The following RBFOX1 variants were observed in gnomAD, a reference collection of about 807,000 sequenced individuals.
The protein encoded by RBFOX1 is RNA binding fox-1 homolog 1, also known as RNA binding protein fox-1 homolog 1.
Under a neutral mutation model 57.7 loss-of-function variants are expected in RBFOX1, and 8 were observed. The ratio of observed to expected loss-of-function variants is 0.14; its 90% CI spans 0.08 to 0.25. RBFOX1 has a LOEUF of 0.25. RBFOX1 is among the 10% of genes least tolerant of loss of function. The pLI is 1.00. For synonymous variants in RBFOX1, 326 were observed against 222.4 expected, an observed-to-expected ratio of 1.47 and a Z score of -4.15; for missense variants, 611 against 548.5, an observed-to-expected ratio of 1.11 and a Z score of -1.14.
At chr16:6,601,671 G>A (rs1049602094) in intron 2 of RBFOX1, among the ~76,000 whole-genome samples, 5 of 152,100 alleles carry the variant, frequency 3.3e-5, no homozygotes, top group South Asian at 2.1e-4. Flanking sequence ...TAAAAAGAAC[G>A]TATAAGAGGT....
chr16:7,022,662 G>C (rs948450144), intron 3 of RBFOX1, among the ~76,000 whole-genome samples: 2 of 152,082 alleles, frequency 1.3e-5, no homozygotes, highest in African/African-American at 4.8e-5. Context: ...CCCGTATAGA[G>C]CTGACATGTA....
At chr16:6,231,282 G>A (rs902323700) in intron 1 of RBFOX1, among the ~76,000 whole-genome samples, 16 of 151,298 alleles carry the variant, frequency 1.1e-4, no homozygotes, top group Admixed American at 6.6e-4. Flanking sequence ...AACAGGTACC[G>A]AATTTAGTGT....
intron 1 of RBFOX1, among the ~76,000 whole-genome samples, chr16:6,228,902 T>C (rs1267235591): frequency 1.3e-5 from 2 of 152,164 alleles, no homozygotes; most frequent in Non-Finnish European, 2.9e-5. Flanking sequence ...TTGTACCTGA[T>C]AAACATATAT....
intron 3 of RBFOX1, among the ~76,000 whole-genome samples, chr16:6,826,006 T>C (rs2092083290): frequency 6.6e-6 from 1 of 152,144 alleles, no homozygotes; most frequent in Admixed American, 6.6e-5. Context: ...CTTTACATTT[T>C]GGGTAGGCCG....
chr16:5,854,812 A>G (rs1320853640), intron 3 of RBFOX1, among the ~76,000 whole-genome samples: 1 of 152,202 alleles, frequency 6.6e-6, no homozygotes, highest in East Asian at 1.9e-4. Flanking sequence ...ACTGCTTTCC[A>G]TAATGGCTCT....
intron 1 of RBFOX1, among the ~76,000 whole-genome samples, chr16:6,269,035 C>G (rs2074894525): frequency 6.6e-6 from 1 of 152,178 alleles, no homozygotes; most frequent in Non-Finnish European, 1.5e-5. Flanking sequence ...TTTGTGTCAT[C>G]TGATATACTT....
chr16:5,890,835 C>A (rs2058029350), intron 4 of RBFOX1, among the ~76,000 whole-genome samples: 1 of 151,826 alleles, frequency 6.6e-6, no homozygotes, highest in Non-Finnish European at 1.5e-5. Context: ...ATGATCCATT[C>A]ACCCAACATT....
intron 5 of RBFOX1, among the ~76,000 whole-genome samples, chr16:7,532,372 C>G (rs2080322244): frequency 6.6e-6 from 1 of 152,124 alleles, no homozygotes; most frequent in South Asian, 2.1e-4. Flanking sequence ...GTTTCTGTGA[C>G]TCCAGAAGGC....
intron 4 of RBFOX1, among the ~76,000 whole-genome samples, chr16:7,433,761 G>A (rs2098700742): frequency 6.6e-6 from 1 of 152,086 alleles, no homozygotes; most frequent in African/African-American, 2.4e-5. Context: ...TAATTATCCA[G>A]TCATCTAACT....
chr16:7,348,004 C>G (rs924410066), intron 4 of RBFOX1, among the ~76,000 whole-genome samples: 4 of 152,180 alleles, frequency 2.6e-5, no homozygotes, highest in Non-Finnish European at 4.4e-5. Flanking sequence ...CCAGTCTTAA[C>G]GAGCAGTCAA....
intron 1 of RBFOX1, among the ~76,000 whole-genome samples, chr16:5,313,794 C>A (rs1003575017): frequency 2.6e-5 from 4 of 152,094 alleles, no homozygotes; most frequent in African/African-American, 9.7e-5. Flanking sequence ...CTAGGTCCCT[C>A]CCACAACACG....
At chr16:6,231,758 A>T (rs373314871) in intron 1 of RBFOX1, among the ~76,000 whole-genome samples, 3 of 150,874 alleles carry the variant, frequency 2.0e-5, no homozygotes, top group East Asian at 3.9e-4. Context: ...CCATTCTCTG[A>T]TGGCCTTTTA....
At chr16:5,691,116 T>C (rs191981049) in intron 3 of RBFOX1, among the ~76,000 whole-genome samples, 1 of 152,338 alleles carries the variant, frequency 6.6e-6, no homozygotes, top group East Asian at 1.9e-4. Flanking sequence ...GTCTAATTAT[T>C]TGGATGCTTA....
At chr16:5,413,486 C>G (rs866669476) in intron 1 of RBFOX1, among the ~76,000 whole-genome samples, 1 of 152,192 alleles carries the variant, frequency 6.6e-6, no homozygotes, top group African/African-American at 2.4e-5. Context: ...GTTACAGTAG[C>G]CACCACTCCC....
At chr16:6,684,316 CT>C (rs2154125558) in intron 3 of RBFOX1, among the ~76,000 whole-genome samples, 1 of 152,262 alleles carries the variant, frequency 6.6e-6, no homozygotes, top group East Asian at 1.9e-4. Context: ...TTTTAATTAG[CT>C]AAAAGGAAGA....
chr16:6,667,428 C>G (rs1450135541), intron 3 of RBFOX1, among the ~76,000 whole-genome samples: 4 of 152,080 alleles, frequency 2.6e-5, no homozygotes, highest in Non-Finnish European at 5.9e-5. Flanking sequence ...GCTTTGAACC[C>G]CAGCTTAGTG....
intron 4 of RBFOX1, among the ~76,000 whole-genome samples, chr16:7,412,333 T>G (rs2098437361): frequency 6.7e-6 from 1 of 150,182 alleles, no homozygotes; most frequent in East Asian, 2.0e-4. Context: ...GAGAATCACT[T>G]GAACCTAGGA....
chr16:5,600,463 G>T (rs916040374), downstream of RBFOX1, among the ~76,000 whole-genome samples: 1 of 140,064 alleles, frequency 7.1e-6, no homozygotes, highest in East Asian at 2.0e-4. Context: ...TCCAGCCTGG[G>T]CAAACAGAGT....
At chr16:6,252,829 T>C (rs73531439) in intron 1 of RBFOX1, among the ~76,000 whole-genome samples, 2,674 of 152,286 alleles carry the variant, frequency 0.018, 50 homozygotes, top group East Asian at 0.048. Context: ...ATTCTGAACA[T>C]GTTGCTGTTC....
Sources: gnomAD v4.1 joint callset for allele counts (sites outside exome capture counted in the v4.1 genomes callset) on GRCh38, gnomAD v4.1.1 for gene constraint, MANE v1.5 for transcripts, NCBI Gene and HGNC (gene_info 2026-07-23, HGNC 2026-07-21) for gene names.